The following ATP13A5 variants were observed in gnomAD, a reference collection of about 807,000 sequenced individuals.
ATP13A5 encodes the protein probable cation-transporting ATPase 13A5.
A neutral mutation model predicts 150.2 loss-of-function variants in ATP13A5; 149 were observed. The ratio of observed to expected loss-of-function variants is 0.99; its 90% CI spans 0.87 to 1.14. The LOEUF (loss-of-function observed/expected upper bound fraction) is 1.14, where lower values mean the gene tolerates loss of function less well. ATP13A5 is among the 50% of genes most tolerant of loss of function. ATP13A5 has a pLI of 0.00. For missense variants in ATP13A5, 1,383 were observed against 1,449.3 expected, an observed-to-expected ratio of 0.95 and a Z score of 0.74; for synonymous variants, 497 against 522.2, an observed-to-expected ratio of 0.95 and a Z score of 0.66.
Position 193,313,876 on chromosome 3 carries a change from C to T in ATP13A5, c.2319+157G>A, listed in dbSNP as rs932342214. The T allele has an allele frequency of 1.2e-5, 10 of 839,348 alleles. No individual in the cohort carries two copies. In the Admixed American group the frequency reaches 2.7e-4, roughly 23 times the overall value. The allele number at this position is 839,348 out of a possible 1,614,324, so 52.0% of individuals were successfully genotyped here. A position where few individuals can be genotyped will look rare whatever the true frequency, so the allele number is the denominator to read the frequency against. ...TCCCCCAGGTGATTTTCCTAGGCAACCAGAGCTGGCAGAAATGCTTTGCAA... is the reference window on the plus strand; with the variant it reads ...TCCCCCAGGTGATTTTCCTAGGCAATCAGAGCTGGCAGAAATGCTTTGCAA... On this transcript the variant is annotated intron_variant, in intron 19 of 29. Transcript: ENST00000342358.
chr3:193,326,987 G>A lies in ATP13A5; in HGVS notation c.1523+9C>T, dbSNP rs1719488657. ...AAACACACCTTCCATTTTCACATAA[G>A]AGGCCTACCAGTTGTCAGCAGTAGG... On this transcript the variant is annotated intron_variant, in intron 13 of 29. Transcript: ENST00000342358. 2 of 1,613,168 alleles carry A rather than the reference G, an allele frequency of 1.2e-6. No homozygotes were observed. Among genetic ancestry groups the A allele is most frequent in the African/African-American group, 1.3e-5 (1 of 74,882 alleles).
Position 193,312,045 on chromosome 3 carries a change from G to C in ATP13A5, c.2320-104C>G, listed in dbSNP as rs1718872535. 6 of 1,416,930 alleles carry C rather than the reference G, an allele frequency of 4.2e-6. No homozygotes were observed. In the Admixed American group the frequency reaches 1.3e-4, roughly 30 times the overall value. 87.8% of individuals were successfully genotyped at this position (1,416,930 alleles called of 1,614,324 possible). A position where few individuals can be genotyped will look rare whatever the true frequency, so the allele number is the denominator to read the frequency against. ...TTTTCATGTTGCCTAACAGTGTGAAGGTCAGCAACAAAATAATGTGTAATT... is the reference window on the plus strand; with the variant it reads ...TTTTCATGTTGCCTAACAGTGTGAACGTCAGCAACAAAATAATGTGTAATT... On this transcript the variant is annotated intron_variant, in intron 19 of 29. Coordinates refer to ENST00000342358, the MANE Select transcript of ATP13A5 (RefSeq NM_198505.4).
In ATP13A5 at chr3:193,275,029, A is replaced by G; in HGVS notation, c.*13T>C. The G allele has an allele frequency of 1.2e-6, 2 of 1,613,724 alleles. No individual in the cohort carries two copies. The highest frequency in any genetic ancestry group is 1.7e-6 in the Non-Finnish European group (2 of 1,179,792). Reference sequence around the variant, plus strand: ...AAAGCAATGCTGTTGAGCATGTACGACGACAATTCTGATTACAGCCTGGCC... The same window carrying G: ...AAAGCAATGCTGTTGAGCATGTACGGCGACAATTCTGATTACAGCCTGGCC... On this transcript the variant is annotated 3_prime_UTR_variant, in exon 30 of 30. Coordinates refer to ENST00000342358, the MANE Select transcript of ATP13A5 (RefSeq NM_198505.4).
intron 12 of ATP13A5, among the ~76,000 whole-genome samples, chr3:193,329,848 C>T (rs1711561201): frequency 6.6e-6 from 1 of 152,140 alleles, no homozygotes; most frequent in African/African-American, 2.4e-5. Context: ...CCCCAGATGG[C>T]CTCTTTCTTC....
At position 193,326,969 on chromosome 3, in the gene ATP13A5, C is replaced by G. The variant is rs148170643; in HGVS notation, c.1523+27G>C. 1.3e-3 allele frequency: 2,079 copies of G among 1,606,880 alleles called. 4 individuals carry two copies. Among genetic ancestry groups the G allele is most frequent in the Non-Finnish European group, 1.4e-3 (1,692 of 1,173,626 alleles). The stretch of plus-strand genomic sequence containing the variant: ...CATCCAGGTAACTCCACCAAACACA[C>G]CTTCCATTTTCACATAAGAGGCCTA... On this transcript the variant is annotated intron_variant, in intron 13 of 29. Coordinates refer to ENST00000342358, the MANE Select transcript of ATP13A5 (RefSeq NM_198505.4).
chr3:193,364,780 A>C (rs1713181079), intron 1 of ATP13A5, among the ~76,000 whole-genome samples: 1 of 152,152 alleles, frequency 6.6e-6, no homozygotes, highest in African/African-American at 2.4e-5. Flanking sequence ...GGACGACGGA[A>C]AGTATGAATA....
At chr3:193,330,865 A>G (rs1014853467) in intron 12 of ATP13A5, among the ~76,000 whole-genome samples, 8 of 152,248 alleles carry the variant, frequency 5.3e-5, no homozygotes, top group Non-Finnish European at 7.3e-5. Flanking sequence ...GTTTTAAAAA[A>G]ACCACAAACC....
chr3:193,354,320 A>G, intron 5 of ATP13A5, 124 bp from the exon 6 acceptor site: 2 of 815,090 alleles, frequency 2.5e-6, no homozygotes, highest in South Asian at 1.9e-5. Context: ...TTAAAAAATA[A>G]TGTGCAAGTT....
At chr3:193,337,152 A>G (rs1711908660) in intron 9 of ATP13A5, among the ~76,000 whole-genome samples, 1 of 152,086 alleles carries the variant, frequency 6.6e-6, no homozygotes, top group Non-Finnish European at 1.5e-5. Context: ...TTGTCAGATG[A>G]GTAGGTTGCA....
At chr3:193,336,465 C>T (rs920324725) in intron 9 of ATP13A5, among the ~76,000 whole-genome samples, 1 of 152,132 alleles carries the variant, frequency 6.6e-6, no homozygotes, top group Non-Finnish European at 1.5e-5. Context: ...TCAATTCCCA[C>T]CTATGAGTGA....
rs6777665 is a variant in ATP13A5, at chr3:193,312,355, T to G, written c.2320-414A>C. On this transcript the variant is annotated intron_variant, in intron 19 of 29. Transcript: ENST00000342358. The stretch of plus-strand genomic sequence containing the variant: ...AAAATCACCCTCATTGTCTTCACTG[T>G]AAAGCAGGCACTCTTTCTTCAGTGC... Among the ~76,000 whole-genome samples the G allele has an allele frequency of 5.0e-3, 765 of 152,320 alleles. 8 individuals are homozygous for G. Among genetic ancestry groups the G allele is most frequent in the African/African-American group, 0.018 (737 of 41,578 alleles).
intron 28 of ATP13A5, among the ~76,000 whole-genome samples, chr3:193,278,854 A>G (rs778839369): frequency 6.6e-6 from 1 of 152,130 alleles, no homozygotes; most frequent in Non-Finnish European, 1.5e-5. Context: ...TTCTCTCACA[A>G]TACGGGGTCC....
intron 5 of ATP13A5, among the ~76,000 whole-genome samples, chr3:193,357,555 A>C (rs1243467580): frequency 6.6e-6 from 1 of 152,230 alleles, no homozygotes; most frequent in Non-Finnish European, 1.5e-5. Flanking sequence ...GGGAAGAAAT[A>C]TAAGATTTGA....
intron 23 of ATP13A5, among the ~76,000 whole-genome samples, chr3:193,303,951 G>A (rs1045466196): frequency 3.3e-5 from 5 of 151,676 alleles, no homozygotes; most frequent in African/African-American, 4.8e-5. Flanking sequence ...TAAATTCTCC[G>A]GGGGCAAGAC....
rs907860513 is a variant in ATP13A5 at position 193,325,141 on chromosome 3, G to A, written c.1524-127C>T. 4 of 890,286 alleles carry A rather than the reference G, an allele frequency of 4.5e-6. No homozygotes were observed. In the African/African-American group the frequency reaches 6.7e-5, roughly 15 times the overall value. 55.1% of individuals were successfully genotyped at this position (890,286 alleles called of 1,614,324 possible). A position where few individuals can be genotyped will look rare whatever the true frequency, so the allele number is the denominator to read the frequency against. ...TCAGAACCTTCCCATGGCTCCCTAT[G>A]CTCCAAATGATAAAGTCCAAACCCC... On this transcript the variant is annotated intron_variant, in intron 13 of 29. Transcript: ENST00000342358.
intron 21 of ATP13A5, 96 bp downstream of exon 21, chr3:193,310,542 T>C (rs1718800915): frequency 1.0e-6 from 1 of 972,450 alleles, no homozygotes; most frequent in Non-Finnish European, 1.5e-6. Flanking sequence ...TATTTTTGAC[T>C]TTTTAATAAT....
chr3:193,363,025 C>T (rs1242758658), intron 3 of ATP13A5, among the ~76,000 whole-genome samples: 1 of 152,100 alleles, frequency 6.6e-6, no homozygotes, highest in Non-Finnish European at 1.5e-5. Flanking sequence ...TGGTCTCAAA[C>T]TCCTGGGCTC....
At chr3:193,373,876 A>C (rs1451969040) in intron 1 of ATP13A5, among the ~76,000 whole-genome samples, 2 of 152,186 alleles carry the variant, frequency 1.3e-5, no homozygotes, top group Non-Finnish European at 2.9e-5. Flanking sequence ...CACCTTTGTC[A>C]GTTCTGTTTT....
In ATP13A5 at chr3:193,325,034, TAA is replaced by T. The variant is rs1206915857; in HGVS notation, c.1524-22_1524-21del. On this transcript the variant is annotated intron_variant, in intron 13 of 29. Coordinates refer to ENST00000342358, the MANE Select transcript of ATP13A5 (RefSeq NM_198505.4). ...TGGAAGCTGGTAGAGAAGGTAATGT[TAA>T]AGTCTTTGATAAAATCATTTTGCAC... 6.2e-7 allele frequency: 1 copy of T among 1,603,624 alleles called. No homozygotes were observed. Among genetic ancestry groups the T allele is most frequent in the Non-Finnish European group, 8.5e-7 (1 of 1,174,692 alleles).
Sources: gnomAD v4.1 joint callset for allele counts (sites outside exome capture counted in the v4.1 genomes callset) on GRCh38, gnomAD v4.1.1 for gene constraint, MANE v1.5 for transcripts, NCBI Gene and HGNC (gene_info 2026-07-23, HGNC 2026-07-21) for gene names.